Variants in SPATA13 observed in about 807,000 individuals in gnomAD.
SPATA13 encodes the protein spermatogenesis associated 13, also known as spermatogenesis-associated protein 13.
A neutral mutation model predicts 104.0 loss-of-function variants in SPATA13; 50 were observed. That is an observed-to-expected ratio of 0.48 (90% CI 0.38 to 0.61). SPATA13 has a LOEUF of 0.61. Among genes scored for constraint, SPATA13 ranks in the 20% least tolerant of loss-of-function variants. The pLI, the probability that SPATA13 is intolerant of heterozygous loss-of-function variation, is 0.00. For missense variants in SPATA13, 1,524 were observed against 1,690.6 expected (o/e 0.90, Z 1.73); for synonymous variants, 606 against 667.5 (o/e 0.91, Z 1.42).
intron 3 of SPATA13, among the ~76,000 whole-genome samples, chr13:24,024,593 C>T (rs974689095): frequency 1.3e-5 from 2 of 151,654 alleles, no homozygotes; most frequent in Admixed American, 6.6e-5. Flanking sequence ...GCAGCTGGCA[C>T]GCTGCTGCTG....
At chr13:24,270,757 C>T (rs1874537567) in intron 4 of SPATA13, 1 of 1,589,794 alleles carries the variant, frequency 6.3e-7, no homozygotes, top group South Asian at 1.1e-5. Context: ...TCTGCAGTTC[C>T]CGTAGCTGCC....
chr13:24,012,444 T>C (rs9510993), intron 2 of SPATA13, among the ~76,000 whole-genome samples: 38,877 of 152,150 alleles, frequency 0.26, 6,036 homozygotes, highest in Non-Finnish European at 0.34. Flanking sequence ...TAGGGTGTCC[T>C]CTAGTACAAC....
rs137979505 is a variant in SPATA13, at chr13:24,270,992, C to CCTCTCTCTCT, written c.2165-13135_2165-13126dup. Reference sequence around the variant, plus strand: ...TTCCTTCCCAAGTTGCAGTTCTTCCCCTCTCTCTCTCTCTCTCCACTCTCT... The same window carrying CCTCTCTCTCT: ...TTCCTTCCCAAGTTGCAGTTCTTCCCCTCTCTCTCTCTCTCTCTCTCTCTCTCCACTCTCT... On this transcript the variant is annotated intron_variant, in intron 4 of 12. Coordinates refer to ENST00000382108, the MANE Select transcript of SPATA13 (RefSeq NM_001166271.3). 6 of 851,640 alleles carry CCTCTCTCTCT rather than the reference C, an allele frequency of 7.0e-6. No individual in the cohort carries two copies. The African/African-American group carries it at 1.0e-4, about 15-fold the overall frequency. 52.8% of individuals were successfully genotyped at this position (851,640 alleles called of 1,614,324 possible). A position where few individuals can be genotyped will look rare whatever the true frequency, so the allele number is the denominator to read the frequency against.
chr13:24,072,740 C>G (rs1879208211), intron 3 of SPATA13, among the ~76,000 whole-genome samples: 1 of 152,068 alleles, frequency 6.6e-6, no homozygotes, highest in South Asian at 2.1e-4. Context: ...CCTACGATGC[C>G]CTTGGAGCCT....
At chr13:24,162,807 G>A (rs1176465394) in intron 1 of SPATA13, among the ~76,000 whole-genome samples, 1 of 152,236 alleles carries the variant, frequency 6.6e-6, no homozygotes, top group Non-Finnish European at 1.5e-5. Context: ...CCACTGCCTA[G>A]CAGTGGAGGC....
At chr13:24,196,771 C>G (rs1189898113) in intron 1 of SPATA13, among the ~76,000 whole-genome samples, 1 of 152,088 alleles carries the variant, frequency 6.6e-6, no homozygotes, top group Non-Finnish European at 1.5e-5. Flanking sequence ...CAGCCTAGTA[C>G]ATGTCGGGCA....
intron 3 of SPATA13, among the ~76,000 whole-genome samples, chr13:24,103,148 T>G (rs1052066340): frequency 1.3e-5 from 2 of 152,144 alleles, no homozygotes; most frequent in Non-Finnish European, 2.9e-5. Context: ...GAACTTCACT[T>G]TAAAAATAGT....
At position 24,303,021 on chromosome 13, in the gene SPATA13, A is replaced by G. The variant is rs1197885354; in HGVS notation, c.*248A>G. The G allele has an allele frequency of 3.7e-6, 2 of 535,614 alleles. No individual in the cohort carries two copies. The highest frequency in any genetic ancestry group is 1.9e-5 in the African/African-American group (1 of 52,608). 33.2% of individuals were successfully genotyped at this position (535,614 alleles called of 1,614,324 possible). A position where few individuals can be genotyped will look rare whatever the true frequency, so the allele number is the denominator to read the frequency against. ...AGAAACACCCGTGACCCACTATGAG[A>G]TGGCCCAGATGTGGGACCCGGTACC... On this transcript the variant is annotated 3_prime_UTR_variant, in exon 13 of 13. Transcript: ENST00000382108.
chr13:23,984,689 G>A (rs1346749644), intron 2 of SPATA13, among the ~76,000 whole-genome samples: 1 of 152,210 alleles, frequency 6.6e-6, no homozygotes, highest in Non-Finnish European at 1.5e-5. Flanking sequence ...GAAAGTGTTC[G>A]GAATGCACTG....
intron 3 of SPATA13, among the ~76,000 whole-genome samples, chr13:24,101,843 TTG>T (rs1880266286): frequency 1.3e-5 from 2 of 152,368 alleles, no homozygotes; most frequent in African/African-American, 4.8e-5. Flanking sequence ...TCATATTCTG[TTG>T]TGTGTGTTTA....
At chr13:24,234,944 A>C (rs1167712936) in intron 2 of SPATA13, among the ~76,000 whole-genome samples, 1 of 152,192 alleles carries the variant, frequency 6.6e-6, no homozygotes, top group Non-Finnish European at 1.5e-5. Flanking sequence ...AAGACACTTG[A>C]CCTACTTAAG....
At chr13:24,263,289 T>G (rs947486024) in intron 4 of SPATA13, among the ~76,000 whole-genome samples, 5 of 152,236 alleles carry the variant, frequency 3.3e-5, no homozygotes, top group African/African-American at 1.2e-4. Context: ...TTAGTGCCTG[T>G]TGCGTGATAG....
chr13:24,095,054 G>T (rs1446110084), intron 3 of SPATA13, among the ~76,000 whole-genome samples: 1 of 152,162 alleles, frequency 6.6e-6, no homozygotes. Context: ...CCACTTCTGG[G>T]TATCTATGTA....
At chr13:24,237,991 A>T (rs1248314150) in intron 2 of SPATA13, among the ~76,000 whole-genome samples, 10 of 95,768 alleles carry the variant, frequency 1.0e-4, no homozygotes, top group East Asian at 2.8e-4. Flanking sequence ...AAACATGTAT[A>T]ATATATATAT....
chr13:23,989,251 G>A (rs1408544094), intron 2 of SPATA13, among the ~76,000 whole-genome samples: 3 of 151,920 alleles, frequency 2.0e-5, no homozygotes, highest in South Asian at 2.1e-4. Flanking sequence ...GTGAAACCCC[G>A]TCTCTACTAA....
At chr13:24,293,459 T>A (rs1470690260) in intron 9 of SPATA13, among the ~76,000 whole-genome samples, 1 of 152,130 alleles carries the variant, frequency 6.6e-6, no homozygotes, top group East Asian at 1.9e-4. Flanking sequence ...GGTCCAGAAG[T>A]CCACACCTCA....
chr13:24,305,662 T>C lies in SPATA13; in HGVS notation c.*2889T>C, dbSNP rs1240917719. The C allele has an allele frequency of 6.6e-6, 1 of 152,192 alleles. No homozygotes were observed. Among genetic ancestry groups the C allele is most frequent in the Non-Finnish European group, 1.5e-5 (1 of 68,044 alleles). The allele number at this position is 152,192 out of a possible 1,614,324, so 9.4% of individuals were successfully genotyped here. A position where few individuals can be genotyped will look rare whatever the true frequency, so the allele number is the denominator to read the frequency against. On this transcript the variant is annotated 3_prime_UTR_variant, in exon 13 of 13. Coordinates refer to ENST00000382108, the MANE Select transcript of SPATA13 (RefSeq NM_001166271.3). ...GCTCTCTCCCGCCTCTATGCCTTTC[T>C]CTCTTTTTAACCTTACTTTACATAA...
intron 3 of SPATA13, among the ~76,000 whole-genome samples, chr13:24,114,092 C>T (rs575768406): frequency 6.6e-6 from 1 of 152,238 alleles, no homozygotes; most frequent in Admixed American, 6.5e-5. Flanking sequence ...AGGTGCAAGA[C>T]ATTCATATGC....
intron 4 of SPATA13, among the ~76,000 whole-genome samples, chr13:24,276,641 A>AGGAAGAAT (rs1203648202): frequency 5.9e-5 from 9 of 152,060 alleles, no homozygotes; most frequent in African/African-American, 2.2e-4. Flanking sequence ...GGTAAAAGAA[A>AGGAAGAAT]GGAAGAAAGA....
Sources: allele counts gnomAD v4.1 joint callset (sites outside exome capture counted in the v4.1 genomes callset), GRCh38; gene constraint gnomAD v4.1.1; transcripts MANE v1.5; gene names NCBI Gene and HGNC (gene_info 2026-07-23, HGNC 2026-07-21).